Variants in WDR62 observed in about 807,000 individuals in gnomAD.
WDR62 encodes the protein WD repeat domain 62.
WDR62 carries 112 observed loss-of-function variants against 160.6 expected under a neutral mutation model. The observed-to-expected ratio is 0.70, with a 90% CI of 0.60 to 0.82. WDR62 has a LOEUF of 0.82. WDR62 is among the 40% of genes least tolerant of loss of function. The pLI is 0.00. For missense variants in WDR62, 1,819 were observed against 1,983.8 expected (o/e 0.92, Z 1.58); for synonymous variants, 792 against 815.1 (o/e 0.97, Z 0.48).
At chr19:36,060,142 A>C in intron 3 of WDR62, 112 bp downstream of exon 3, 1 of 1,117,358 alleles carries the variant, frequency 8.9e-7, no homozygotes. Context: ...ATTCACTTAC[A>C]TGTTGGCTCA....
chr19:36,082,428 G>A (rs1335195647), intron 10 of WDR62, among the ~76,000 whole-genome samples: 1 of 152,142 alleles, frequency 6.6e-6, no homozygotes, highest in African/African-American at 2.4e-5. Context: ...CCTGGGGTGG[G>A]AAACAGCTGG....
chr19:36,078,855 G>A (rs1349469420), intron 9 of WDR62, among the ~76,000 whole-genome samples: 1 of 144,434 alleles, frequency 6.9e-6, no homozygotes, highest in Admixed American at 6.8e-5. Flanking sequence ...AAAAAACAAA[G>A]TAAGTTATAG....
chr19:36,055,079 C>T lies in WDR62; in HGVS notation c.108C>T (p.Pro36=), dbSNP rs1036006681. 2 of 1,600,672 alleles carry T rather than the reference C, an allele frequency of 1.2e-6. No individual in the cohort carries two copies. Among genetic ancestry groups the T allele is most frequent in the Admixed American group, 1.7e-5 (1 of 58,748 alleles). ...GGAGGGGCCAGTCCTCCCCGCCCCC[C>T]GCCCCACCAATCTGCCTACGGCGGC... ...PARRGQSSPP[P]APPICLRRRT... Residue 36 remains proline, a synonymous_variant, in exon 1 of 32, where the codon CCC becomes CCT. Coordinates refer to ENST00000401500, the MANE Select transcript of WDR62 (RefSeq NM_001083961.2).
In WDR62 at chr19:36,092,699, A is replaced by C; in HGVS notation, c.2221A>C (p.Ile741Leu). The change falls in exon 19 of 32, where the codon ATC becomes CTC. Residue 741 changes from isoleucine to leucine, a missense_variant. This residue lies in a region of WDR62 where 934 missense variants were observed against 1,157.2 expected (regional missense o/e 0.81). Coordinates refer to ENST00000401500, the MANE Select transcript of WDR62 (RefSeq NM_001083961.2). Reference protein sequence around the residue: ...ITVSGDSCVFIWHLGPEITNC... With the variant: ...ITVSGDSCVFLWHLGPEITNC... Reference sequence around the variant, plus strand: ...CTTTGACCTCCGCAGCTGCGTGTTCATCTGGCACCTGGGCCCGGAGATCAC... The same window carrying C: ...CTTTGACCTCCGCAGCTGCGTGTTCCTCTGGCACCTGGGCCCGGAGATCAC... The C allele has an allele frequency of 6.2e-7, 1 of 1,614,114 alleles. No homozygotes were observed. Among genetic ancestry groups the C allele is most frequent in the East Asian group, 2.2e-5 (1 of 44,882 alleles).
intron 30 of WDR62, 132 bp from the exon 31 acceptor site, chr19:36,104,386 A>G: frequency 8.6e-7 from 1 of 1,167,706 alleles, no homozygotes. Context: ...TGTAGGAGTG[A>G]AGGGGAGGGA....
At chr19:36,081,868 T>G in intron 10 of WDR62, 4 of 536,552 alleles carry the variant, frequency 7.5e-6, no homozygotes, top group Non-Finnish European at 1.1e-5. Flanking sequence ...GTGAAATTGC[T>G]TCCTAAGTCT....
At chr19:36,059,165 T>TAC in intron 2 of WDR62, 2 of 552,368 alleles carry the variant, frequency 3.6e-6, no homozygotes. Flanking sequence ...GTAACCTGGA[T>TAC]TTGTGTCCCA....
chr19:36,079,184 C>A (rs915793561), intron 9 of WDR62, among the ~76,000 whole-genome samples: 5 of 152,130 alleles, frequency 3.3e-5, no homozygotes, highest in African/African-American at 1.2e-4. Flanking sequence ...TAGGCACAAG[C>A]AGTTCTCCTG....
At chr19:36,092,308 C>CAA (rs557921076) in intron 18 of WDR62, among the ~76,000 whole-genome samples, 6 of 81,188 alleles carry the variant, frequency 7.4e-5, no homozygotes, top group African/African-American at 1.8e-4. Context: ...AAGACTCTCT[C>CAA]AAAAAAAAAA....
intron 22 of WDR62, among the ~76,000 whole-genome samples, chr19:36,100,427 C>T (rs999916606): frequency 6.6e-6 from 1 of 152,236 alleles, no homozygotes; most frequent in South Asian, 2.1e-4. Context: ...AAACCCCCTT[C>T]TGCCCTTCCC....
At chr19:36,111,137 A>G in the WDR62 span, 5 of 1,343,326 alleles carry the variant, frequency 3.7e-6, no homozygotes, top group Non-Finnish European at 5.0e-6. Flanking sequence ...AGGGATAGTC[A>G]TCCTGGGGCT....
At chr19:36,101,027 T>C in intron 23 of WDR62, 152 bp downstream of exon 23, 2 of 1,365,914 alleles carry the variant, frequency 1.5e-6, no homozygotes, top group South Asian at 1.2e-5. Flanking sequence ...CTTAGTTCCC[T>C]GGTTCCAGGT....
rs1454112116 is a variant in WDR62 at position 36,103,994 on chromosome 19, C to T, written c.4153+13C>T. ...GAGCCCACCTCCGGTGAGTACAGCC[C>T]TGGAGCAAGGACTGTCCCCTAAGCT... On this transcript the variant is annotated intron_variant, in intron 30 of 31. Coordinates refer to ENST00000401500, the MANE Select transcript of WDR62 (RefSeq NM_001083961.2). 5 of 1,597,300 alleles carry T rather than the reference C, an allele frequency of 3.1e-6. No homozygotes were observed. The highest frequency in any genetic ancestry group is 4.2e-6 in the Non-Finnish European group (5 of 1,179,798).
intron 9 of WDR62, among the ~76,000 whole-genome samples, chr19:36,078,823 G>A (rs1219980884): frequency 4.9e-5 from 7 of 141,746 alleles, no homozygotes; most frequent in African/African-American, 8.1e-5. Context: ...GCGACAGGGC[G>A]AGACTCTGTC....
intron 13 of WDR62, among the ~76,000 whole-genome samples, chr19:36,087,511 A>C (rs757988249): frequency 5.0e-5 from 7 of 140,358 alleles, no homozygotes; most frequent in Non-Finnish European, 9.3e-5. Flanking sequence ...ACTTTGTCTC[A>C]AAAAAAAAAA....
rs1167386837 is a variant in WDR62 at position 36,062,649 on chromosome 19, C to CAAAAAAAAAAAA, written c.332+2634_332+2645dup. The CAAAAAAAAAAAA allele has an allele frequency of 7.6e-5, 3 of 39,476 alleles. 1 individual carries two copies. Among genetic ancestry groups the CAAAAAAAAAAAA allele is most frequent in the African/African-American group, 3.5e-4 (3 of 8,502 alleles). The allele number at this position is 39,476 out of a possible 1,614,324, so 2.4% of individuals were successfully genotyped here. ...TGGGTGACAGAGCAAGAGTCCGTCTCAAAAAAAAAAAAAAAAAAAAAAAAA... is the reference window on the plus strand; with the variant it reads ...TGGGTGACAGAGCAAGAGTCCGTCTCAAAAAAAAAAAAAAAAAAAAAAAAAAAAAAAAAAAAA... On this transcript the variant is annotated intron_variant, in intron 3 of 31. Coordinates refer to ENST00000401500, the MANE Select transcript of WDR62 (RefSeq NM_001083961.2).
rs751414402 is a variant in WDR62 at position 36,086,804 on chromosome 19, A to G, written c.1760A>G (p.Lys587Arg). ...DDHSSSITAI[K>R]FAGNRDIQMI... The stretch of plus-strand genomic sequence containing the variant: ...CACTCCTCCTCCATCACCGCCATCA[A>G]GTTCGCTGGTGAGCCCCTTTCTTCC... Residue 587 changes from lysine to arginine, a missense_variant, in exon 13 of 32, where the codon AAG (lysine) becomes AGG (arginine). Physicochemically the swap from Lys to Arg is conservative, Grantham distance 26. Around this residue, in one of 3 missense-constraint regions of WDR62, gnomAD observed 934 missense variants for 1,157.2 expected, o/e 0.81. Transcript: ENST00000401500. The G allele has an allele frequency of 8.1e-6, 13 of 1,609,904 alleles. No individual in the cohort carries two copies. The highest frequency in any genetic ancestry group is 1.7e-4 in the Middle Eastern group (1 of 6,054).
intron 1 of WDR62, among the ~76,000 whole-genome samples, chr19:36,056,934 C>T (rs1412876727): frequency 6.6e-6 from 1 of 151,890 alleles, no homozygotes; most frequent in Non-Finnish European, 1.5e-5. Context: ...CCTCAAGCCT[C>T]CTGAGTAGCT....
chr19:36,102,677 C>G, intron 26 of WDR62, 60 bp from the exon 27 acceptor site: 1 of 1,535,356 alleles, frequency 6.5e-7, no homozygotes, highest in African/African-American at 1.4e-5. Context: ...GTGGGCTGGC[C>G]TAGGGCCAGG....
Sources: gnomAD v4.1 joint callset for allele counts (sites outside exome capture counted in the v4.1 genomes callset) on GRCh38, gnomAD v4.1.1 for gene constraint, gnomAD v4.1.1 regional missense constraint, MANE v1.5 for transcripts, NCBI Gene and HGNC (gene_info 2026-07-23, HGNC 2026-07-21) for gene names.